PLAA: variants seen among roughly 807,000 people sequenced by gnomAD.
The protein encoded by PLAA is phospholipase A-2-activating protein.
In PLAA, 48 loss-of-function variants were observed where a neutral mutation model predicts 84.1. The observed-to-expected ratio is 0.57, with a 90% CI of 0.45 to 0.73. The LOEUF is 0.73. Among genes scored for constraint, PLAA ranks in the 30% least tolerant of loss-of-function variants. The pLI, the probability that PLAA is intolerant of heterozygous loss-of-function variation, is 0.00. For missense variants in PLAA, 903 were observed against 954.7 expected (o/e 0.95, Z 0.71); for synonymous variants, 392 against 336.6 (o/e 1.16, Z -1.80).
At chr9:26,933,496 T>C (rs1041348608) in intron 2 of PLAA, among the ~76,000 whole-genome samples, 1 of 151,368 alleles carries the variant, frequency 6.6e-6, no homozygotes, top group African/African-American at 2.4e-5. Flanking sequence ...AAATAAAAAA[T>C]TATTTTTGTT....
chr9:26,910,364 T>C lies in PLAA; in HGVS notation c.1631A>G (p.Asp544Gly). 6.2e-7 allele frequency: 1 copy of C among 1,612,964 alleles called. No homozygotes were observed. The highest frequency in any genetic ancestry group is 8.5e-7 in the Non-Finnish European group (1 of 1,179,182). The change falls in exon 12 of 14, where the codon GAC becomes GGC. Residue 544 changes from aspartate (D) to glycine (G), a missense_variant. Physicochemically the swap from Asp to Gly is moderately conservative, Grantham distance 94. Coordinates refer to ENST00000397292, the MANE Select transcript of PLAA (RefSeq NM_001031689.3). ...YFPKKEAVTFDQANPTQILGK... is the reference protein window; with the variant it reads ...YFPKKEAVTFGQANPTQILGK... ...TAATATTTGTGTAGGGTTTGCTTGGTCAAATGTGACAGCCTCTTTTTTAGG... is the reference window on the plus strand; with the variant it reads ...TAATATTTGTGTAGGGTTTGCTTGGCCAAATGTGACAGCCTCTTTTTTAGG...
At chr9:26,922,266 G>GT (rs776925414) in intron 7 of PLAA, among the ~76,000 whole-genome samples, 113 of 146,588 alleles carry the variant, frequency 7.7e-4, no homozygotes, top group South Asian at 3.2e-3. Context: ...ATGGCAAACT[G>GT]TTTTTTTTTG....
chr9:26,914,092 A>G (rs1824481116), intron 10 of PLAA, 145 bp from the exon 11 acceptor site: 1 of 593,628 alleles, frequency 1.7e-6, no homozygotes, highest in African/African-American at 1.8e-5. Flanking sequence ...TTAATACAGA[A>G]AAGTGCTTAG....
At chr9:26,927,273 A>G (rs945871061) in intron 4 of PLAA, among the ~76,000 whole-genome samples, 3 of 151,874 alleles carry the variant, frequency 2.0e-5, no homozygotes, top group Non-Finnish European at 4.4e-5. Flanking sequence ...GGTGTGCATC[A>G]CCACTCCTGG....
chr9:26,938,089 C>G (rs1159617879), intron 1 of PLAA, among the ~76,000 whole-genome samples: 1 of 152,078 alleles, frequency 6.6e-6, no homozygotes, highest in Non-Finnish European at 1.5e-5. Context: ...AGACCCACAC[C>G]AAGTCACATT....
At chr9:26,936,792 C>G (rs779511857) in intron 1 of PLAA, among the ~76,000 whole-genome samples, 1 of 152,152 alleles carries the variant, frequency 6.6e-6, no homozygotes, top group South Asian at 2.1e-4. Flanking sequence ...GCACCTCCCC[C>G]GGTTGATGCA....
In PLAA at chr9:26,946,952, C is replaced by A; in HGVS notation, c.94G>T (p.Gly32Ter). 6.3e-7 allele frequency: 1 copy of A among 1,588,984 alleles called. No homozygotes were observed. The highest frequency in any genetic ancestry group is 8.6e-7 in the Non-Finnish European group (1 of 1,167,744). The change falls in exon 1 of 14, where the codon GGA becomes TGA. Residue 32 changes from glycine to a stop codon, truncating the protein, a stop_gained. Transcript: ENST00000397292. LOFTEE classifies it high-confidence loss of function. ...RGLVCCAYPPGAFVSVSRDRT... is the reference protein window; with the variant it reads ...RGLVCCAYPP ...TCTCGGGACACGGACACAAAGGCTC[C>A]CGGCGGATAGGCGCAGCACACCAGG...
intron 13 of PLAA, among the ~76,000 whole-genome samples, chr9:26,907,406 A>G (rs911327326): frequency 2.6e-5 from 4 of 152,104 alleles, no homozygotes; most frequent in Non-Finnish European, 4.4e-5. Context: ...GCGGGTGCCT[A>G]TAGTCCCAGC....
intron 4 of PLAA, 87 bp from the exon 5 acceptor site, chr9:26,926,647 C>G (rs1467886128): frequency 2.3e-6 from 2 of 867,890 alleles, no homozygotes; most frequent in Non-Finnish European, 3.4e-6. Context: ...TAAAACATAT[C>G]AGTGAGTAGT....
chr9:26,920,290 A>G lies in PLAA; in HGVS notation c.1134T>C (p.Gly378=). The G allele has an allele frequency of 6.2e-7, 1 of 1,613,914 alleles. No individual in the cohort carries two copies. Among genetic ancestry groups the G allele is most frequent in the East Asian group, 2.2e-5 (1 of 44,862 alleles). The change falls in exon 8 of 14, where the codon GGT becomes GGC. Residue 378 remains glycine, a synonymous_variant. Coordinates refer to ENST00000397292, the MANE Select transcript of PLAA (RefSeq NM_001031689.3). ...TAGCACCAGATGAGCCAACAACATCACCAATTTTTATCCACCTCCCTTCAC... is the reference window on the plus strand; with the variant it reads ...TAGCACCAGATGAGCCAACAACATCGCCAATTTTTATCCACCTCCCTTCAC... The part of the protein sequence containing the change: ...SVSEGRWIKI[G]DVVGSSGANQ...
At chr9:26,913,824 G>C (rs915340072) in intron 11 of PLAA, 55 bp downstream of exon 11, 2 of 1,278,082 alleles carry the variant, frequency 1.6e-6, no homozygotes, top group African/African-American at 3.0e-5. Context: ...TTTTATTAAA[G>C]TTCCAACGAA....
intron 1 of PLAA, 75 bp from the exon 2 acceptor site, chr9:26,935,281 C>G (rs1179609230): frequency 6.6e-6 from 6 of 905,572 alleles, no homozygotes; most frequent in Non-Finnish European, 9.8e-6. Context: ...TCAAAGCACT[C>G]ATTTTCATTT....
Position 26,920,237 on chromosome 9 carries a change from T to C in PLAA, c.1187A>G (p.Tyr396Cys), listed in dbSNP as rs1175359018. ...ANQQTSGKVL[Y>C]EGKEFDYVFS... ...TAGAAGTCGACATACTTTCCCTTCA[T>C]ATAAAACTTTTCCAGATGTTTGCTG... The change falls in exon 8 of 14, where the codon TAT (tyrosine) becomes TGT (cysteine). Residue 396 changes from tyrosine to cysteine, a missense_variant. Transcript: ENST00000397292. The C allele has an allele frequency of 6.2e-7, 1 of 1,613,694 alleles. No individual in the cohort carries two copies. The highest frequency in any genetic ancestry group is 1.1e-5 in the South Asian group (1 of 91,060).
intron 2 of PLAA, among the ~76,000 whole-genome samples, chr9:26,932,895 G>A (rs1037186577): frequency 1.3e-5 from 2 of 152,148 alleles, no homozygotes; most frequent in Non-Finnish European, 2.9e-5. Context: ...AGAACTTTGG[G>A]AGACTGAGGC....
At chr9:26,920,075 A>G (rs2131380753) in intron 8 of PLAA, 152 bp downstream of exon 8, 1 of 598,788 alleles carries the variant, frequency 1.7e-6, no homozygotes, top group Non-Finnish European at 2.9e-6. Flanking sequence ...TAAAATATCT[A>G]TTTCAAGACA....
At chr9:26,924,676 C>T (rs568902723) in intron 6 of PLAA, among the ~76,000 whole-genome samples, 1 of 152,294 alleles carries the variant, frequency 6.6e-6, no homozygotes, top group South Asian at 2.1e-4. Flanking sequence ...CAAAATCTCT[C>T]CTTTTCTGTC....
intron 7 of PLAA, among the ~76,000 whole-genome samples, chr9:26,922,025 C>G (rs1824779767): frequency 6.6e-6 from 1 of 152,190 alleles, no homozygotes; most frequent in African/African-American, 2.4e-5. Flanking sequence ...AATACCAAAG[C>G]CTGAATAACC....
rs185986414 is a variant in PLAA at position 26,918,596 on chromosome 9, T to C, written c.1417+714A>G. Among the ~76,000 whole-genome samples, 492 of 152,270 alleles carry C rather than the reference T, an allele frequency of 3.2e-3. 2 individuals are homozygous for C. The highest frequency in any genetic ancestry group is 5.6e-3 in the Non-Finnish European group (384 of 68,028). On this transcript the variant is annotated intron_variant, in intron 9 of 13. Transcript: ENST00000397292. ...GAGACAGGAATATAATACAAAGTCCTCGTAAAACAAGGAAGAGCACTAGCA... is the reference window on the plus strand; with the variant it reads ...GAGACAGGAATATAATACAAAGTCCCCGTAAAACAAGGAAGAGCACTAGCA...
At chr9:26,932,558 T>A (rs1825220377) in intron 2 of PLAA, among the ~76,000 whole-genome samples, 2 of 152,218 alleles carry the variant, frequency 1.3e-5, no homozygotes, top group Non-Finnish European at 2.9e-5. Context: ...CCATATGGCC[T>A]GAAAAGCAGA....
Sources: allele counts gnomAD v4.1 joint callset (sites outside exome capture counted in the v4.1 genomes callset), GRCh38; gene constraint gnomAD v4.1.1; transcripts MANE v1.5; gene names NCBI Gene and HGNC (gene_info 2026-07-23, HGNC 2026-07-21).